OTOF: variants seen among roughly 807,000 people sequenced by gnomAD.
The protein encoded by OTOF is fer-1-like family member 2.
OTOF carries 218 observed loss-of-function variants against 236.8 expected under a neutral mutation model. That is an observed-to-expected ratio of 0.92 (90% confidence interval 0.82 to 1.03). The LOEUF (loss-of-function observed/expected upper bound fraction) is 1.03. Ranked by LOEUF, OTOF falls within the 50% of genes least tolerant of loss-of-function variation. The pLI, the probability that OTOF is intolerant of heterozygous loss-of-function variation, is 0.00. For missense variants in OTOF, 2,590 were observed against 2,694.4 expected, an observed-to-expected ratio of 0.96 and a Z score of 0.86; for synonymous variants, 1,041 against 1,072.5, an observed-to-expected ratio of 0.97 and a Z score of 0.57.
chr2:26,519,037 C>A lies in OTOF; in HGVS notation c.300G>T (p.Leu100=). 6.2e-7 allele frequency: 1 copy of A among 1,610,006 alleles called. No homozygotes were observed. The highest frequency in any genetic ancestry group is 8.5e-7 in the Non-Finnish European group (1 of 1,177,708). ...TGATGATAGCATTGTTGTCATCAAT[C>A]AGCGTGTCAGTCACCTCCACATGGC... ...EESHVEVTDT[L]IDDNNAIIKT... The change falls in exon 4 of 47, where the codon CTG becomes CTT. Residue 100 remains leucine, a synonymous_variant. Coordinates refer to ENST00000272371, the MANE Select transcript of OTOF (RefSeq NM_194248.3).
Position 26,459,991 on chromosome 2 carries a change from A to G in OTOF, c.*17+17T>C. The G allele has an allele frequency of 1.9e-6, 3 of 1,554,058 alleles. No individual in the cohort carries two copies. The highest frequency in any genetic ancestry group is 2.6e-6 in the Non-Finnish European group (3 of 1,148,916). The stretch of plus-strand genomic sequence containing the variant: ...GCCTAGCCCTTGGTCCAGAGGAAGA[A>G]GTAAGAAATATCAGACCCAGGAGGC... On this transcript the variant is annotated intron_variant, in intron 46 of 46. Transcript: ENST00000272371.
rs1038631798 is a variant in OTOF, at chr2:26,470,115, G to A, written c.4023+478C>T. On this transcript the variant is annotated intron_variant, in intron 32 of 46. Coordinates refer to ENST00000272371, the MANE Select transcript of OTOF (RefSeq NM_194248.3). This position sits in a 1 kb window ranked among gnomAD's most constrained non-coding sequence, Gnocchi z 4.3. ...GAAGAGTCGTAAGGACTACTGATAA[G>A]CAGTTGTTCCCTTATGGCCTCTGAG... Among the ~76,000 whole-genome samples the A allele has an allele frequency of 6.6e-6, 1 of 152,164 alleles. No individual in the cohort carries two copies. The highest frequency in any genetic ancestry group is 2.4e-5 in the African/African-American group (1 of 41,434).
At chr2:26,529,822 C>G (rs1207506590) in intron 2 of OTOF, among the ~76,000 whole-genome samples, 1 of 141,806 alleles carries the variant, frequency 7.1e-6, no homozygotes, top group Non-Finnish European at 1.6e-5. Context: ...GGGTTCTGAG[C>G]AGGGCCTAGG....
At position 26,470,693 on chromosome 2, in the gene OTOF, T is replaced by TCC. The variant is rs1202870230; in HGVS notation, c.3922_3923insGG (p.Lys1308ArgfsTer33). Reference sequence around the variant, plus strand: ...TGGCTCCTCCGCAGTGCCCTTCTTCTTCTTCTTCTTCTCCTTCTCCTCCTC... The same window carrying TCC: ...TGGCTCCTCCGCAGTGCCCTTCTTCTCCTCTTCTTCTTCTCCTTCTCCTCCTC... On this transcript the variant is annotated frameshift_variant, in exon 32 of 47. Transcript: ENST00000272371. LOFTEE classifies it high-confidence loss of function. The surrounding 1 kb of genome is among the most constrained non-coding windows in gnomAD (Gnocchi z 4.3). 6.2e-7 allele frequency: 1 copy of TCC among 1,613,838 alleles called. No homozygotes were observed. Among genetic ancestry groups the TCC allele is most frequent in the Admixed American group, 1.7e-5 (1 of 60,022 alleles).
intron 8 of OTOF, among the ~76,000 whole-genome samples, chr2:26,497,027 G>A (rs553961830): frequency 4.7e-5 from 7 of 149,762 alleles, no homozygotes; most frequent in Admixed American, 4.0e-4. Context: ...TCTCTCAAAC[G>A]TGTGTTTTAA....
At chr2:26,491,632 G>C (rs990269650) in intron 9 of OTOF, among the ~76,000 whole-genome samples, 6 of 152,218 alleles carry the variant, frequency 3.9e-5, no homozygotes, top group Non-Finnish European at 5.9e-5. Context: ...TTTTCAGCAG[G>C]AGGAAGGATG....
At position 26,484,481 on chromosome 2, in the gene OTOF, T is replaced by C. The variant is rs369416370; in HGVS notation, c.1198A>G (p.Ile400Val). ...HKANETDEDD[I>V]EGNLLLPEGV... ...GGGGTAGCTGGGCCTCACCCCTCAA[T>C]GTCATCTTCGTCGGTCTCATTGGCC... is the stretch of plus-strand genomic sequence containing the variant. The change falls in exon 12 of 47, where the codon ATT becomes GTT. Residue 400 changes from isoleucine (I) to valine (V), a missense_variant. Ile to Val is a conservative substitution (Grantham distance 29, BLOSUM62 3). Around this residue, in one of 2 missense-constraint regions of OTOF, gnomAD observed 1,379 missense variants for 1,341.6 expected, o/e 1.03. Coordinates refer to ENST00000272371, the MANE Select transcript of OTOF (RefSeq NM_194248.3). The C allele has an allele frequency of 5.6e-6, 9 of 1,613,874 alleles. No individual in the cohort carries two copies. The African/African-American group carries it at 1.1e-4, about 19-fold the overall frequency.
chr2:26,457,614 G>A lies in OTOF; in HGVS notation c.*624C>T, dbSNP rs1664250828. On this transcript the variant is annotated 3_prime_UTR_variant, in exon 47 of 47. Coordinates refer to ENST00000272371, the MANE Select transcript of OTOF (RefSeq NM_194248.3). The surrounding 1 kb of genome is among the most constrained non-coding windows in gnomAD (Gnocchi z 4.4). ...TGCTATCTGCAGGGGTCACGGCGGG[G>A]ATACCTTTTGCTCGTTCATTCTTTT... 1 of 173,060 alleles carries A rather than the reference G, an allele frequency of 5.8e-6. No individual in the cohort carries two copies. The highest frequency in any genetic ancestry group is 5.6e-5 in the Admixed American group (1 of 17,956). 10.7% of individuals were successfully genotyped at this position (173,060 alleles called of 1,614,324 possible).
At position 26,467,015 on chromosome 2, in the gene OTOF, C is replaced by T. The variant is rs1458454383; in HGVS notation, c.4362+84G>A. ...GGGCTTCTGGAGGCAGTGGCCGGGGCAGTGGTGGGAGGTGAGTGGGGGAAC... is the reference window on the plus strand; with the variant it reads ...GGGCTTCTGGAGGCAGTGGCCGGGGTAGTGGTGGGAGGTGAGTGGGGGAAC... On this transcript the variant is annotated intron_variant, in intron 35 of 46. Transcript: ENST00000272371. The T allele has an allele frequency of 5.1e-6, 8 of 1,558,782 alleles. No homozygotes were observed. In the African/African-American group the frequency reaches 8.4e-5, roughly 16 times the overall value.
chr2:26,556,036 T>C (rs968204891), intron 1 of OTOF, among the ~76,000 whole-genome samples: 9 of 152,180 alleles, frequency 5.9e-5, no homozygotes, highest in Non-Finnish European at 4.4e-5. Flanking sequence ...GAGGGCTCTT[T>C]CCTTAGTGTC....
At position 26,483,510 on chromosome 2, in the gene OTOF, G is replaced by T. The variant is rs542844516; in HGVS notation, c.1344C>A (p.Asn448Lys). Reference protein sequence around the residue: ...ANVKKAFIGENKDLVDPYVQV... With the variant: ...ANVKKAFIGEKKDLVDPYVQV... ...GCACGTAGGGGTCCACGAGGTCCTT[G>T]TTTTCACCGATGAAAGCCTTCTTTA... The change falls in exon 13 of 47, where the codon AAC (asparagine) becomes AAA (lysine). Residue 448 changes from asparagine to lysine, a missense_variant. Asn to Lys is a moderately conservative substitution (Grantham distance 94). This residue lies in a region of OTOF where 1,379 missense variants were observed against 1,341.6 expected (regional missense o/e 1.03). Transcript: ENST00000272371. 1.2e-6 allele frequency: 2 copies of T among 1,613,992 alleles called. No homozygotes were observed. The highest frequency in any genetic ancestry group is 2.2e-5 in the South Asian group (2 of 91,090).
intron 11 of OTOF, among the ~76,000 whole-genome samples, chr2:26,487,432 C>T (rs1261474581): frequency 1.3e-5 from 2 of 151,558 alleles, no homozygotes; most frequent in Admixed American, 1.3e-4. Flanking sequence ...GGCCCACATC[C>T]TGTTTCTGCC....
At chr2:26,499,227 G>A (rs771361029) in intron 8 of OTOF, among the ~76,000 whole-genome samples, 1 of 152,086 alleles carries the variant, frequency 6.6e-6, no homozygotes, top group African/African-American at 2.4e-5. Flanking sequence ...CTTGGAGATG[G>A]CAATAATCAG....
intron 36 of OTOF, 155 bp from the exon 37 acceptor site, chr2:26,466,231 C>G: frequency 1.2e-6 from 1 of 835,502 alleles, no homozygotes. Context: ...AGGCAAGTGG[C>G]TACCCCTCTC....
intron 2 of OTOF, among the ~76,000 whole-genome samples, chr2:26,536,784 A>G (rs985029131): frequency 2.0e-5 from 3 of 152,194 alleles, no homozygotes; most frequent in East Asian, 3.9e-4. Context: ...TTGTGCTAAG[A>G]TGGTGACGGA....
intron 46 of OTOF, among the ~76,000 whole-genome samples, chr2:26,458,681 A>G (rs753951564): frequency 6.6e-6 from 1 of 152,212 alleles, no homozygotes; most frequent in Non-Finnish European, 1.5e-5. Context: ...GCCCACTCTC[A>G]GGATGAAGAC....
chr2:26,483,545 T>C lies in OTOF; in HGVS notation c.1309A>G (p.Met437Val). ...ATGAAAGCCTTCTTTACATTGGCCA[T>C]GAGGCTTGTGTTCATACGGGGCAGC... ...EGLPRMNTSL[M>V]ANVKKAFIGE... is the part of the protein sequence containing the mutation. Residue 437 changes from methionine to valine, a missense_variant, in exon 13 of 47, where the codon ATG (methionine) becomes GTG (valine). By Grantham distance (21) the Met-to-Val change is conservative (BLOSUM62 1). Transcript: ENST00000272371. 6.2e-7 allele frequency: 1 copy of C among 1,614,000 alleles called. No homozygotes were observed. The highest frequency in any genetic ancestry group is 8.5e-7 in the Non-Finnish European group (1 of 1,180,004).
At chr2:26,458,316 C>T (rs1664287805) in intron 46 of OTOF, 96 bp from the exon 47 acceptor site, 2 of 1,266,262 alleles carry the variant, frequency 1.6e-6, no homozygotes, top group African/African-American at 1.5e-5. Context: ...AAAAGCCCTG[C>T]CATGGCCCCA....
chr2:26,509,408 C>T (rs1239213042), intron 5 of OTOF, among the ~76,000 whole-genome samples: 1 of 152,200 alleles, frequency 6.6e-6, no homozygotes, highest in Admixed American at 6.5e-5. Context: ...CTTCAGGTCT[C>T]TGGGCTGGAG....
Sources: gnomAD v4.1 joint callset for allele counts (sites outside exome capture counted in the v4.1 genomes callset) on GRCh38, gnomAD v4.1.1 for gene constraint, gnomAD v4.1.1 regional missense constraint, Gnocchi (gnomAD v3.1) non-coding constraint, MANE v1.5 for transcripts, NCBI Gene and HGNC (gene_info 2026-07-23, HGNC 2026-07-21) for gene names.